Variants in ATE1 observed in about 807,000 individuals in gnomAD.
The protein encoded by ATE1 is arginyltransferase 1.
In ATE1, 36 loss-of-function variants were observed where a neutral mutation model predicts 70.5. The observed-to-expected ratio is 0.51, with a 90% CI of 0.39 to 0.67. The LOEUF (loss-of-function observed/expected upper bound fraction) is 0.67, where lower values mean the gene tolerates loss of function less well. Ranked by LOEUF, ATE1 falls within the 30% of genes least tolerant of loss-of-function variation. ATE1 has a pLI of 0.00. For synonymous variants in ATE1, 232 were observed against 219.3 expected, an observed-to-expected ratio of 1.06 and a Z score of -0.51; for missense variants, 593 against 629.5, an observed-to-expected ratio of 0.94 and a Z score of 0.62.
chr10:121,810,311 C>T (rs1476037433), intron 10 of ATE1, among the ~76,000 whole-genome samples: 3 of 152,134 alleles, frequency 2.0e-5, no homozygotes, highest in Non-Finnish European at 2.9e-5. Flanking sequence ...CACTCTGTCA[C>T]CCAGGCTGGA....
chr10:121,794,699 C>CA (rs748239117), intron 10 of ATE1, among the ~76,000 whole-genome samples: 314 of 138,434 alleles, frequency 2.3e-3, no homozygotes, highest in Middle Eastern at 4.3e-3. Context: ...TGTATCATCT[C>CA]AAAAAACAAC....
intron 8 of ATE1, among the ~76,000 whole-genome samples, chr10:121,853,184 G>A (rs904281732): frequency 6.6e-6 from 1 of 151,948 alleles, no homozygotes; most frequent in African/African-American, 2.4e-5. Flanking sequence ...CTAACACGGT[G>A]AAACCCCGTC....
chr10:121,780,922 G>T (rs1945960013), intron 11 of ATE1, among the ~76,000 whole-genome samples: 1 of 152,114 alleles, frequency 6.6e-6, no homozygotes, highest in Admixed American at 6.5e-5. Flanking sequence ...TCATCACTAG[G>T]TTCCCTGAGG....
intron 11 of ATE1, among the ~76,000 whole-genome samples, chr10:121,770,972 T>G (rs1377491960): frequency 2.0e-5 from 3 of 151,718 alleles, no homozygotes; most frequent in African/African-American, 4.8e-5. Flanking sequence ...GCTTGGAGGG[T>G]GGCGGGGGGA....
At chr10:121,861,793 C>A (rs1433298501) in intron 8 of ATE1, among the ~76,000 whole-genome samples, 2 of 151,536 alleles carry the variant, frequency 1.3e-5, no homozygotes, top group African/African-American at 2.4e-5. Context: ...TACACTGACT[C>A]AATTATCAGG....
At chr10:121,794,941 T>C (rs1485222854) in intron 10 of ATE1, among the ~76,000 whole-genome samples, 1 of 152,154 alleles carries the variant, frequency 6.6e-6, no homozygotes, top group Admixed American at 6.5e-5. Flanking sequence ...TTAACAACGA[T>C]GCTGACCATC....
At chr10:121,783,700 C>T (rs1383169801) in intron 11 of ATE1, among the ~76,000 whole-genome samples, 1 of 152,086 alleles carries the variant, frequency 6.6e-6, no homozygotes, top group Non-Finnish European at 1.5e-5. Flanking sequence ...TAAAATGTCA[C>T]TTTTCCATAC....
chr10:121,880,426 C>T (rs1396855611), intron 7 of ATE1, among the ~76,000 whole-genome samples: 1 of 151,906 alleles, frequency 6.6e-6, no homozygotes, highest in Non-Finnish European at 1.5e-5. Flanking sequence ...GTGGAACATG[C>T]CCCGAATTAA....
rs1247861095 is a variant in ATE1, at chr10:121,848,392, C to T, written c.976-7129G>A. On this transcript the variant is annotated intron_variant, in intron 8 of 11. Coordinates refer to ENST00000224652, the MANE Select transcript of ATE1 (RefSeq NM_001001976.3). ...AGTACTTTGGGAGGCAGAGGCAGGC[C>T]GATCATTTGAGGCAAGGAGTTCGAG... Among the ~76,000 whole-genome samples the T allele has an allele frequency of 4.6e-5, 7 of 151,060 alleles. No homozygotes were observed. In the South Asian group the frequency reaches 1.0e-3, roughly 23 times the overall value.
Position 121,785,789 on chromosome 10 carries a change from G to GGACTA in ATE1, c.1378+4375_1378+4379dup, listed in dbSNP as rs747201697. Reference sequence around the variant, plus strand: ...TGATAAAGCACTAAATCACGTTGAGGGACTAGTCTCTTTATAGCAAATTTA... The same window carrying GGACTA: ...TGATAAAGCACTAAATCACGTTGAGGGACTAGACTAGTCTCTTTATAGCAAATTTA... On this transcript the variant is annotated intron_variant, in intron 11 of 11. Coordinates refer to ENST00000224652, the MANE Select transcript of ATE1 (RefSeq NM_001001976.3). Among the ~76,000 whole-genome samples, 3 of 151,880 alleles carry GGACTA rather than the reference G, an allele frequency of 2.0e-5. No homozygotes were observed. The East Asian group carries it at 5.8e-4, about 29-fold the overall frequency.
intron 10 of ATE1, among the ~76,000 whole-genome samples, chr10:121,831,817 CA>C (rs1948249464): frequency 6.6e-6 from 1 of 152,166 alleles, no homozygotes; most frequent in Admixed American, 6.5e-5. Context: ...CAACCCAAAC[CA>C]GCCACTAATT....
intron 11 of ATE1, among the ~76,000 whole-genome samples, chr10:121,744,739 C>T (rs1944279723): frequency 6.6e-6 from 1 of 152,272 alleles, no homozygotes; most frequent in South Asian, 2.1e-4. Flanking sequence ...ATAAAACCAG[C>T]CCCGGTTTTC....
chr10:121,765,142 T>A (rs902295492), intron 11 of ATE1, among the ~76,000 whole-genome samples: 8 of 152,192 alleles, frequency 5.3e-5, no homozygotes, highest in Admixed American at 3.9e-4. Context: ...CTGCTTACTG[T>A]GTTCTCTCTG....
chr10:121,908,995 G>A (rs1004809641), intron 5 of ATE1, among the ~76,000 whole-genome samples: 1 of 152,170 alleles, frequency 6.6e-6, no homozygotes, highest in African/African-American at 2.4e-5. Flanking sequence ...AGAGATTGTT[G>A]TTGTTGTTTT....
chr10:121,847,794 A>G lies in ATE1; in HGVS notation c.976-6531T>C, dbSNP rs920114339. 1.5e-4 allele frequency among the ~76,000 whole-genome samples: 22 copies of G among 146,628 alleles called. 1 individual carries two copies. In the East Asian group the frequency reaches 3.5e-3, roughly 24 times the overall value. ...AAAAAAAAAAAATCGTGAACAGGCC[A>G]GGCGTGGTGGCTCACACCTGTAATC... On this transcript the variant is annotated intron_variant, in intron 8 of 11. Transcript: ENST00000224652.
chr10:121,868,065 G>A (rs184760770), intron 8 of ATE1, among the ~76,000 whole-genome samples: 77 of 152,132 alleles, frequency 5.1e-4, no homozygotes, highest in African/African-American at 1.8e-3. Flanking sequence ...TAGAAAGGAT[G>A]AAGTTTATAA....
At chr10:121,866,442 A>G (rs1007323117) in intron 8 of ATE1, among the ~76,000 whole-genome samples, 20 of 152,244 alleles carry the variant, frequency 1.3e-4, no homozygotes, top group African/African-American at 4.6e-4. Flanking sequence ...GAAAGCAGAC[A>G]GAAACAGACA....
intron 11 of ATE1, among the ~76,000 whole-genome samples, chr10:121,772,655 A>C (rs999043650): frequency 1.3e-5 from 2 of 152,192 alleles, no homozygotes; most frequent in African/African-American, 4.8e-5. Context: ...CCCAAGCTCC[A>C]TATCTTTCAG....
Position 121,742,281 on chromosome 10 carries a change from T to TTCAAATTTTTG in ATE1, c.*1388_*1398dup, listed in dbSNP as rs1480826871. On this transcript the variant is annotated 3_prime_UTR_variant, in exon 12 of 12. Coordinates refer to ENST00000224652, the MANE Select transcript of ATE1 (RefSeq NM_001001976.3). ...TTTATTCTAGTTAGCTGAGGATATT[T>TTCAAATTTTTG]TCAAATTTTTGTCAAAATTCAGTAC... 36 of 152,232 alleles carry TTCAAATTTTTG rather than the reference T, an allele frequency of 2.4e-4. No individual in the cohort carries two copies. The highest frequency in any genetic ancestry group is 7.3e-5 in the Non-Finnish European group (5 of 68,044). 9.4% of individuals were successfully genotyped at this position (152,232 alleles called of 1,614,324 possible). A position where few individuals can be genotyped will look rare whatever the true frequency, so the allele number is the denominator to read the frequency against.
Sources: allele counts gnomAD v4.1 joint callset (sites outside exome capture counted in the v4.1 genomes callset), GRCh38; gene constraint gnomAD v4.1.1; transcripts MANE v1.5; gene names NCBI Gene and HGNC (gene_info 2026-07-23, HGNC 2026-07-21).